Variants in ATG7 observed in about 807,000 individuals in gnomAD.
ATG7 encodes the protein ubiquitin-like modifier-activating enzyme ATG7.
ATG7 carries 70 observed loss-of-function variants against 82.4 expected under a neutral mutation model. The ratio of observed to expected loss-of-function variants is 0.85; its 90% CI spans 0.70 to 1.04. The LOEUF is 1.04. Ranked by LOEUF, ATG7 falls within the 50% of genes least tolerant of loss-of-function variation. ATG7 has a pLI of 0.00. For missense variants in ATG7, 792 were observed against 864.3 expected, an observed-to-expected ratio of 0.92 and a Z score of 1.05; for synonymous variants, 287 against 313.0, an observed-to-expected ratio of 0.92 and a Z score of 0.88.
chr3:11,488,476 C>G, intron 20 of ATG7: 11 of 1,284,452 alleles, frequency 8.6e-6, no homozygotes, highest in Middle Eastern at 3.0e-4. Context: ...CGCTTCATAT[C>G]TGCAGCTGGG....
intron 20 of ATG7, among the ~76,000 whole-genome samples, chr3:11,481,213 G>A (rs1344068861): frequency 6.6e-6 from 1 of 152,170 alleles, no homozygotes; most frequent in African/African-American, 2.4e-5. Context: ...TTCAGCTGGG[G>A]GCAGATAAGA....
intron 20 of ATG7, among the ~76,000 whole-genome samples, chr3:11,551,568 C>T (rs2071785143): frequency 6.6e-6 from 1 of 152,028 alleles, no homozygotes; most frequent in Non-Finnish European, 1.5e-5. Flanking sequence ...ATGTGTTTAG[C>T]TTTTTCACTG....
chr3:11,528,634 T>A (rs1043606302), intron 20 of ATG7, among the ~76,000 whole-genome samples: 9 of 152,044 alleles, frequency 5.9e-5, no homozygotes, highest in African/African-American at 2.2e-4. Context: ...GAGACCAGCC[T>A]GGCCAATATG....
intron 18 of ATG7, among the ~76,000 whole-genome samples, chr3:11,370,709 G>A (rs901915196): frequency 6.6e-6 from 1 of 151,080 alleles, no homozygotes; most frequent in Non-Finnish European, 1.5e-5. Context: ...ACACCACCAG[G>A]GGTGGGTGGC....
At chr3:11,563,396 G>A in the ATG7 span, among the ~76,000 whole-genome samples, 4 of 152,228 alleles carry the variant, frequency 2.6e-5, no homozygotes, top group African/African-American at 9.6e-5. Flanking sequence ...CCACCCCGGG[G>A]AGCAGTGAGC....
rs1188334881 is a variant in ATG7 at position 11,287,803 on chromosome 3, A to T, written c.-11+5365A>T. Among the ~76,000 whole-genome samples the T allele has an allele frequency of 3.3e-5, 5 of 152,228 alleles. No individual in the cohort carries two copies. The East Asian group carries it at 7.7e-4, about 23-fold the overall frequency. ...TCTGGCCTTCGCCCTCAGCGCCCTC[A>T]CTGATCTTTACTGCCCTTTAAAAAG... On this transcript the variant is annotated intron_variant, in intron 3 of 20. Coordinates refer to ENST00000693202, the MANE Select transcript of ATG7 (RefSeq NM_001349232.2).
rs972427705 is a variant in ATG7, at chr3:11,490,666, G to C, written c.2079+63740G>C. On this transcript the variant is annotated intron_variant, in intron 20 of 20. Transcript: ENST00000693202. The stretch of plus-strand genomic sequence containing the variant: ...TCAGGAGCTCTTTTAGGGCAGGCCT[G>C]GTGGTGACAAAATCTCTCAGCATTT... 4.4e-4 allele frequency among the ~76,000 whole-genome samples: 67 copies of C among 151,682 alleles called. 1 individual carries two copies. The highest frequency in any genetic ancestry group is 3.4e-3 in the Middle Eastern group (1 of 294).
At chr3:11,570,758 T>C in the ATG7 span, among the ~76,000 whole-genome samples, 1 of 152,212 alleles carries the variant, frequency 6.6e-6, no homozygotes, top group African/African-American at 2.4e-5. Flanking sequence ...TTCTCCCTTT[T>C]AGTCCCTTCC....
At chr3:11,346,278 C>T (rs1954535544) in intron 13 of ATG7, among the ~76,000 whole-genome samples, 2 of 152,188 alleles carry the variant, frequency 1.3e-5, no homozygotes, top group Admixed American at 1.3e-4. Flanking sequence ...CAGTTTTTTA[C>T]AATTGTAAAT....
intron 5 of ATG7, among the ~76,000 whole-genome samples, chr3:11,300,844 C>T (rs1234265735): frequency 6.6e-6 from 1 of 152,102 alleles, no homozygotes; most frequent in Non-Finnish European, 1.5e-5. Context: ...TGATTTTGCC[C>T]AACTCTAGGC....
At chr3:11,569,104 AT>A in the ATG7 span, among the ~76,000 whole-genome samples, 1 of 152,244 alleles carries the variant, frequency 6.6e-6, no homozygotes, top group Non-Finnish European at 1.5e-5. Flanking sequence ...AAGCAGTGAC[AT>A]TGAAAGAATC....
intron 20 of ATG7, among the ~76,000 whole-genome samples, chr3:11,444,469 A>G (rs1196648521): frequency 6.6e-6 from 1 of 152,196 alleles, no homozygotes; most frequent in East Asian, 1.9e-4. Context: ...CCAAAGACCA[A>G]TTTTTGCTCC....
the ATG7 span, chr3:11,568,972 G>C: frequency 4.3e-6 from 5 of 1,166,354 alleles, no homozygotes; most frequent in Non-Finnish European, 4.3e-6. This position sits in a 1 kb window ranked among gnomAD's most constrained non-coding sequence, Gnocchi z 5.9. Flanking sequence ...AGGAGGGAGG[G>C]AAAGAGAGGC....
intron 1 of ATG7, among the ~76,000 whole-genome samples, chr3:11,273,126 C>A (rs1269165529): frequency 6.6e-6 from 1 of 152,318 alleles, no homozygotes; most frequent in Admixed American, 6.5e-5. Context: ...GCGACTGATG[C>A]CATTTTTTAA....
chr3:11,449,743 T>C (rs2084926561), intron 20 of ATG7, among the ~76,000 whole-genome samples: 1 of 152,220 alleles, frequency 6.6e-6, no homozygotes, highest in Non-Finnish European at 1.5e-5. Flanking sequence ...GGGCCACACC[T>C]TTCCCCCTTT....
At chr3:11,272,977 A>C (rs1172898850) in intron 1 of ATG7, among the ~76,000 whole-genome samples, 1 of 152,242 alleles carries the variant, frequency 6.6e-6, no homozygotes, top group African/African-American at 2.4e-5. Context: ...AGGTAAATAT[A>C]GGTGTTAGAA....
chr3:11,391,056 G>A (rs1291614183), intron 19 of ATG7, among the ~76,000 whole-genome samples: 1 of 152,098 alleles, frequency 6.6e-6, no homozygotes, highest in Non-Finnish European at 1.5e-5. Flanking sequence ...CACTGTCAGT[G>A]TTTTCCGTTG....
At chr3:11,492,149 G>T (rs2090421548) in intron 20 of ATG7, among the ~76,000 whole-genome samples, 1 of 152,182 alleles carries the variant, frequency 6.6e-6, no homozygotes, top group South Asian at 2.1e-4. Flanking sequence ...GCCAGGTGTG[G>T]AATACAATCT....
chr3:11,453,113 A>G (rs1399698192), intron 20 of ATG7, among the ~76,000 whole-genome samples: 1 of 152,140 alleles, frequency 6.6e-6, no homozygotes, highest in Admixed American at 6.5e-5. Context: ...GGCACACCCA[A>G]ATTGGAAGAT....
Sources: allele counts gnomAD v4.1 joint callset (sites outside exome capture counted in the v4.1 genomes callset), GRCh38; gene constraint gnomAD v4.1.1; non-coding constraint Gnocchi (gnomAD v3.1); transcripts MANE v1.5; gene names NCBI Gene and HGNC (gene_info 2026-07-23, HGNC 2026-07-21).